Variants in NFATC1 observed in about 807,000 individuals in gnomAD.
NFATC1 encodes nuclear factor of activated T-cells, cytoplasmic 1.
NFATC1 carries 22 observed loss-of-function variants against 76.0 expected under a neutral mutation model. The ratio of observed to expected loss-of-function variants is 0.29; its 90% CI spans 0.21 to 0.41. NFATC1 has a LOEUF of 0.41. NFATC1 is among the 10% of genes least tolerant of loss of function. The pLI, the probability that NFATC1 is intolerant of heterozygous loss-of-function variation, is 1.00. For missense variants in NFATC1, 1,357 were observed against 1,337.7 expected, an observed-to-expected ratio of 1.01 and a Z score of -0.23; for synonymous variants, 704 against 613.1, an observed-to-expected ratio of 1.15 and a Z score of -2.19.
At chr18:79,456,935 G>T (rs1346599309) in intron 6 of NFATC1, among the ~76,000 whole-genome samples, 1 of 152,226 alleles carries the variant, frequency 6.6e-6, no homozygotes, top group East Asian at 1.9e-4. Flanking sequence ...ACCTCCTGAA[G>T]ATGTTGGATG....
At position 79,408,652 on chromosome 18, in the gene NFATC1, C is replaced by T. The variant is rs2085523753; in HGVS notation, c.128-1751C>T. Among the ~76,000 whole-genome samples, 7 of 152,338 alleles carry T rather than the reference C, an allele frequency of 4.6e-5. No individual in the cohort carries two copies. In the South Asian group the frequency reaches 1.4e-3, roughly 32 times the overall value. ...TCTTTGTAGCTGGTGATTAGGGCAC[C>T]TTGACAGTGATAAGCCTGTTAAAAT... On this transcript the variant is annotated intron_variant, in intron 1 of 9. Transcript: ENST00000427363.
chr18:79,408,362 T>C lies in NFATC1; in HGVS notation c.128-2041T>C, dbSNP rs532064055. ...ATACCCACCTCTAGGCATGTAATCA[T>C]GAGGTTCCAAGATGTCATAAAAAGT... On this transcript the variant is annotated intron_variant, in intron 1 of 9. Coordinates refer to ENST00000427363, the MANE Select transcript of NFATC1 (RefSeq NM_001278669.2). Among the ~76,000 whole-genome samples the C allele has an allele frequency of 2.6e-5, 4 of 152,334 alleles. No individual in the cohort carries two copies. The South Asian group carries it at 8.3e-4, about 32-fold the overall frequency.
intron 9 of NFATC1, among the ~76,000 whole-genome samples, chr18:79,521,793 GTA>G (rs2090592245): frequency 4.4e-4 from 1 of 2,294 alleles, no homozygotes. Context: ...CCACTGATGT[GTA>G]TGTGTGTGGG....
intron 3 of NFATC1, among the ~76,000 whole-genome samples, chr18:79,443,543 G>T (rs373708200): frequency 8.5e-5 from 13 of 152,196 alleles, no homozygotes; most frequent in Admixed American, 2.6e-4. Context: ...CCCAGTCGGC[G>T]CCCGTGCATT....
At chr18:79,485,259 G>C (rs1484040060) in intron 8 of NFATC1, among the ~76,000 whole-genome samples, 2 of 152,248 alleles carry the variant, frequency 1.3e-5, no homozygotes, top group African/African-American at 4.8e-5. Context: ...ACAGCTTGCT[G>C]TCTGCGTAGC....
rs55962102 is a variant in NFATC1, at chr18:79,468,135, C to T, written c.2092+553C>T. On this transcript the variant is annotated intron_variant, in intron 8 of 9. Transcript: ENST00000427363. Reference sequence around the variant, plus strand: ...CTGGGGCACCTTCTCCTCAACCTGCCTGCCCCTCACCCGCCGTGGGAATGG... The same window carrying T: ...CTGGGGCACCTTCTCCTCAACCTGCTTGCCCCTCACCCGCCGTGGGAATGG... The T allele has an allele frequency of 2.8e-3, 678 of 242,742 alleles. 3 individuals are homozygous for T. Among genetic ancestry groups the T allele is most frequent in the African/African-American group, 0.015 (653 of 42,904 alleles). The allele number at this position is 242,742 out of a possible 1,614,324, so 15.0% of individuals were successfully genotyped here. A position where few individuals can be genotyped will look rare whatever the true frequency, so the allele number is the denominator to read the frequency against.
At chr18:79,427,537 G>T (rs1467201332) in intron 2 of NFATC1, among the ~76,000 whole-genome samples, 1 of 105,494 alleles carries the variant, frequency 9.5e-6, no homozygotes. Flanking sequence ...TGCAGTGGGT[G>T]GGGGGAGCTG....
chr18:79,476,362 G>T (rs1313895883), intron 8 of NFATC1, among the ~76,000 whole-genome samples: 1 of 152,252 alleles, frequency 6.6e-6, no homozygotes, highest in African/African-American at 2.4e-5. Context: ...ACAGAACACG[G>T]CGGGCAGCGC....
chr18:79,528,917 G>A lies in NFATC1; in HGVS notation c.*1340G>A, dbSNP rs1471688717. The A allele has an allele frequency of 3.3e-5, 5 of 152,600 alleles. No individual in the cohort carries two copies. Among genetic ancestry groups the A allele is most frequent in the East Asian group, 1.9e-4 (1 of 5,200 alleles). The allele number at this position is 152,600 out of a possible 1,614,324, so 9.5% of individuals were successfully genotyped here. On this transcript the variant is annotated 3_prime_UTR_variant, in exon 10 of 10. Transcript: ENST00000427363. ...AAGCATGGTTTATTCATTGAAACAC[G>A]GTTGACCTGAACTCGTGCCTTAGGA...
Position 79,396,276 on chromosome 18 carries a change from G to C in NFATC1, c.52G>C (p.Ala18Pro), listed in dbSNP as rs766594711. The C allele has an allele frequency of 2.1e-5, 31 of 1,476,034 alleles. No individual in the cohort carries two copies. The highest frequency in any genetic ancestry group is 2.7e-5 in the Non-Finnish European group (30 of 1,104,660). The allele number at this position is 1,476,034 out of a possible 1,614,324, so 91.4% of individuals were successfully genotyped here. A position where few individuals can be genotyped will look rare whatever the true frequency, so the allele number is the denominator to read the frequency against. ...TTCCAAGTTTCCACTTGGCCCTGCG[G>C]CTGCGGTCTTCGGGAGAGGAGAAAC... Reference protein sequence around the residue: ...VPSKFPLGPAAAVFGRGETLG... With the variant: ...VPSKFPLGPAPAVFGRGETLG... The change falls in exon 1 of 10, where the codon GCT becomes CCT. Residue 18 changes from alanine (A) to proline (P), a missense_variant. By Grantham distance (27) the Ala-to-Pro change is conservative. Transcript: ENST00000427363.
intron 2 of NFATC1, among the ~76,000 whole-genome samples, chr18:79,415,144 C>T (rs575189930): frequency 2.0e-4 from 31 of 152,340 alleles, no homozygotes; most frequent in African/African-American, 7.5e-4. Context: ...CCACGTGTCT[C>T]ACTCTCCGCA....
chr18:79,469,850 A>T (rs1262334887), intron 8 of NFATC1: 11 of 985,314 alleles, frequency 1.1e-5, no homozygotes, highest in Non-Finnish European at 1.3e-5. Flanking sequence ...GCTCCCTGTC[A>T]CCCCACCTGG....
chr18:79,416,554 A>G (rs539878305), intron 2 of NFATC1, among the ~76,000 whole-genome samples: 31 of 152,334 alleles, frequency 2.0e-4, no homozygotes, highest in African/African-American at 7.5e-4. Context: ...CAGCATAGCG[A>G]GACGTGTAAG....
rs1569058183 is a variant in NFATC1, at chr18:79,524,588, C to T, written c.2783-2940C>T. ...GGGTCGGCCCACACGCACCGCCAGC[C>T]CGCAGGAGTGAGGTGCAGGCTGCCG... is the stretch of plus-strand genomic sequence containing the variant. On this transcript the variant is annotated intron_variant, in intron 9 of 9. Transcript: ENST00000427363. The surrounding 1 kb of genome is among the most constrained non-coding windows in gnomAD (Gnocchi z 7.2). 6.6e-6 allele frequency among the ~76,000 whole-genome samples: 1 copy of T among 152,186 alleles called. No homozygotes were observed. Among genetic ancestry groups the T allele is most frequent in the Admixed American group, 6.5e-5 (1 of 15,288 alleles).
At chr18:79,403,211 G>A (rs1391434734) in intron 1 of NFATC1, among the ~76,000 whole-genome samples, 1 of 152,278 alleles carries the variant, frequency 6.6e-6, no homozygotes, top group Non-Finnish European at 1.5e-5. Flanking sequence ...CCAGGCTGCG[G>A]GCACAGGTCC....
intron 9 of NFATC1, 40 bp from the exon 10 acceptor site, chr18:79,527,488 G>T (rs187469829): frequency 6.5e-7 from 1 of 1,548,530 alleles, no homozygotes; most frequent in East Asian, 2.2e-5. Context: ...GATGTTTATG[G>T]TATTTCTCTA....
chr18:79,419,111 C>A (rs1425743584), intron 2 of NFATC1, among the ~76,000 whole-genome samples: 2 of 152,132 alleles, frequency 1.3e-5, no homozygotes, highest in African/African-American at 4.8e-5. Flanking sequence ...GCAGCCTCGA[C>A]CTCCTGGGCT....
intron 9 of NFATC1, among the ~76,000 whole-genome samples, chr18:79,519,209 T>C (rs2090456040): frequency 6.6e-6 from 1 of 152,250 alleles, no homozygotes; most frequent in Admixed American, 6.5e-5. Flanking sequence ...AGAATTTTAG[T>C]CTGAGAAGAT....
Position 79,528,767 on chromosome 18 carries a change from T to C in NFATC1, c.*1190T>C, listed in dbSNP as rs1269388041. 1.3e-5 allele frequency: 2 copies of C among 152,390 alleles called. No individual in the cohort carries two copies. Among genetic ancestry groups the C allele is most frequent in the Non-Finnish European group, 2.9e-5 (2 of 68,036 alleles). 9.4% of individuals were successfully genotyped at this position (152,390 alleles called of 1,614,324 possible). The stretch of plus-strand genomic sequence containing the variant: ...CGCCACTTTAATGCTCAGCCCTGCG[T>C]TGTGTGTTTTCAGATGAGTTACTGT... On this transcript the variant is annotated 3_prime_UTR_variant, in exon 10 of 10. Transcript: ENST00000427363.
Sources: gnomAD v4.1 joint callset for allele counts (sites outside exome capture counted in the v4.1 genomes callset) on GRCh38, gnomAD v4.1.1 for gene constraint, Gnocchi (gnomAD v3.1) non-coding constraint, MANE v1.5 for transcripts, NCBI Gene and HGNC (gene_info 2026-07-23, HGNC 2026-07-21) for gene names.